The following RALGAPA2 variants were observed in gnomAD, a reference collection of about 807,000 sequenced individuals.
RALGAPA2 encodes the protein Ral GTPase activating protein catalytic subunit alpha 2, also known as ral GTPase-activating protein subunit alpha-2.
In RALGAPA2, 139 loss-of-function variants were observed where a neutral mutation model predicts 230.4. The observed-to-expected ratio is 0.60, with a 90% CI of 0.53 to 0.69. The LOEUF is 0.69. Ranked by LOEUF, RALGAPA2 falls within the 30% of genes least tolerant of loss-of-function variation. The pLI is 0.00. For missense variants in RALGAPA2, 2,163 were observed against 2,276.0 expected (o/e 0.95, Z 1.01); for synonymous variants, 847 against 837.8 (o/e 1.01, Z -0.19).
intron 31 of RALGAPA2, among the ~76,000 whole-genome samples, chr20:20,516,740 C>G (rs909140430): frequency 6.6e-6 from 1 of 152,186 alleles, no homozygotes; most frequent in Non-Finnish European, 1.5e-5. Flanking sequence ...CAGCAGCAAC[C>G]TGGAGTGTGG....
chr20:20,659,583 C>T (rs1380990924), intron 3 of RALGAPA2: 1 of 242,114 alleles, frequency 4.1e-6, no homozygotes, highest in African/African-American at 2.3e-5. Flanking sequence ...TGACAGTGAG[C>T]TATATTTACA....
chr20:20,645,106 CTTTTTTTTTTTT>C (rs71198064), intron 4 of RALGAPA2, among the ~76,000 whole-genome samples: 3 of 59,462 alleles, frequency 5.0e-5, no homozygotes, highest in Non-Finnish European at 1.0e-4. Flanking sequence ...GGTGGTGGTG[CTTTTTTTTTTTT>C]TTTTTTTTTT....
chr20:20,711,943 CTG>C (rs2069889462), intron 1 of RALGAPA2, among the ~76,000 whole-genome samples: 3 of 152,106 alleles, frequency 2.0e-5, no homozygotes, highest in East Asian at 1.9e-4. Flanking sequence ...CCAATTAGGT[CTG>C]TGCTGGGTTC....
At position 20,412,145 on chromosome 20, in the gene RALGAPA2, A is replaced by G. The variant is rs376420248; in HGVS notation, c.5499T>C (p.Tyr1833=). The G allele has an allele frequency of 2.3e-5, 37 of 1,613,916 alleles. 1 individual carries two copies. The African/African-American group carries it at 4.0e-4, about 17-fold the overall frequency. ...CTTCGAGATACAGAGCTCGCTCTTC[A>G]TAGCTGCGGTAATCGGTTAAGGAAA... ...KCLIPLYQSF[Y]EERALYLEAI... The change falls in exon 38 of 40, where the codon TAT becomes TAC. Residue 1833 remains tyrosine (Y), a synonymous_variant. Coordinates refer to ENST00000202677, the MANE Select transcript of RALGAPA2 (RefSeq NM_020343.4).
intron 14 of RALGAPA2, among the ~76,000 whole-genome samples, chr20:20,607,105 T>C (rs1275959966): frequency 1.3e-5 from 2 of 152,208 alleles, no homozygotes; most frequent in Non-Finnish European, 2.9e-5. Context: ...CTCCCACTCT[T>C]GTCAGGAATT....
chr20:20,557,231 C>A (rs1008428856), intron 23 of RALGAPA2, among the ~76,000 whole-genome samples: 1 of 152,036 alleles, frequency 6.6e-6, no homozygotes, highest in Admixed American at 6.5e-5. Context: ...ATTGCTTGAA[C>A]CCAGGAGGCG....
rs564500187 is a variant in RALGAPA2 at position 20,668,212 on chromosome 20, G to A, written c.270+8024C>T. On this transcript the variant is annotated intron_variant, in intron 3 of 39. Coordinates refer to ENST00000202677, the MANE Select transcript of RALGAPA2 (RefSeq NM_020343.4). The stretch of plus-strand genomic sequence containing the variant: ...GAGGCCAGGAGTTTGAGACCAGCCT[G>A]ACCAATATGGTAAAATCTCATCTCT... Among the ~76,000 whole-genome samples the A allele has an allele frequency of 6.2e-4, 95 of 152,262 alleles. 4 individuals carry two copies. In the South Asian group the frequency reaches 0.02, roughly 32 times the overall value.
In RALGAPA2 at chr20:20,472,864, C is replaced by A; in HGVS notation, c.5460G>T (p.Arg1820Ser). Residue 1820 changes from arginine to serine, a missense_variant, in exon 37 of 40, where the codon AGG becomes AGT. Physicochemically the swap from Arg to Ser is moderately radical, Grantham distance 110 (BLOSUM62 -1). Transcript: ENST00000202677. ...AGAGTGGGATGAGGCACTTCACAGC[C>A]CTGCTGGCGTTGATGCACGTGGCAC... ...LVCATCINAS[R>S]AVKCLIPLYQ... 1 of 1,613,552 alleles carries A rather than the reference C, an allele frequency of 6.2e-7. No homozygotes were observed. The highest frequency in any genetic ancestry group is 8.5e-7 in the Non-Finnish European group (1 of 1,179,644).
chr20:20,402,649 A>G (rs962160037), intron 38 of RALGAPA2, among the ~76,000 whole-genome samples: 2 of 152,248 alleles, frequency 1.3e-5, no homozygotes, highest in Admixed American at 6.5e-5. Flanking sequence ...TTGTATAAGC[A>G]TAACATCTGT....
chr20:20,540,051 A>G (rs150224243), intron 24 of RALGAPA2, among the ~76,000 whole-genome samples: 175 of 152,308 alleles, frequency 1.1e-3, no homozygotes, highest in African/African-American at 4.0e-3. Context: ...GCTATTGTGA[A>G]TGCTGCTGCA....
chr20:20,707,550 A>C (rs2069654495), intron 1 of RALGAPA2, among the ~76,000 whole-genome samples: 1 of 152,246 alleles, frequency 6.6e-6, no homozygotes, highest in South Asian at 2.1e-4. Context: ...TAAAATAAAG[A>C]CAACAGTTAC....
At chr20:20,566,326 G>C (rs1360952763) in intron 23 of RALGAPA2, among the ~76,000 whole-genome samples, 1 of 152,144 alleles carries the variant, frequency 6.6e-6, no homozygotes, top group Non-Finnish European at 1.5e-5. Flanking sequence ...CGATAGCCAT[G>C]GACACAAAAG....
intron 3 of RALGAPA2, among the ~76,000 whole-genome samples, chr20:20,665,497 G>A (rs2067930337): frequency 2.0e-5 from 3 of 152,158 alleles, no homozygotes; most frequent in Admixed American, 2.0e-4. Context: ...TATCCCGTTG[G>A]GTCAATCCCA....
At chr20:20,582,825 T>TG (rs1335226668) in intron 20 of RALGAPA2, among the ~76,000 whole-genome samples, 1 of 152,226 alleles carries the variant, frequency 6.6e-6, no homozygotes, top group African/African-American at 2.4e-5. Flanking sequence ...ATAACATGTA[T>TG]GAGTTGGAAA....
At chr20:20,603,134 G>C (rs943226844) in intron 15 of RALGAPA2, among the ~76,000 whole-genome samples, 1 of 152,118 alleles carries the variant, frequency 6.6e-6, no homozygotes, top group Non-Finnish European at 1.5e-5. Context: ...TAAATCTCCA[G>C]TCTATTTCTT....
At chr20:20,520,040 C>T (rs1327487004) in intron 31 of RALGAPA2, among the ~76,000 whole-genome samples, 1 of 152,104 alleles carries the variant, frequency 6.6e-6, no homozygotes, top group African/African-American at 2.4e-5. Flanking sequence ...AGCCATGATG[C>T]TTGGCCTTCT....
intron 23 of RALGAPA2, among the ~76,000 whole-genome samples, chr20:20,562,425 C>T (rs1292068466): frequency 6.6e-6 from 1 of 152,156 alleles, no homozygotes; most frequent in Non-Finnish European, 1.5e-5. Flanking sequence ...TTACTAAGAA[C>T]AAAATCTTTC....
intron 10 of RALGAPA2, among the ~76,000 whole-genome samples, chr20:20,623,811 C>T (rs2066399685): frequency 6.6e-6 from 1 of 152,142 alleles, no homozygotes; most frequent in Non-Finnish European, 1.5e-5. Flanking sequence ...TATTTTCTTC[C>T]TAATCTGCAT....
At chr20:20,421,847 AT>A (rs2060282503) in intron 37 of RALGAPA2, among the ~76,000 whole-genome samples, 1 of 152,238 alleles carries the variant, frequency 6.6e-6, no homozygotes, top group African/African-American at 2.4e-5. Flanking sequence ...TCATAGGAGC[AT>A]TATTATTTAC....
Sources: allele counts gnomAD v4.1 joint callset (sites outside exome capture counted in the v4.1 genomes callset), GRCh38; gene constraint gnomAD v4.1.1; transcripts MANE v1.5; gene names NCBI Gene and HGNC (gene_info 2026-07-23, HGNC 2026-07-21).